SCD5: variants seen among roughly 807,000 people sequenced by gnomAD.
The protein encoded by SCD5 is acyl-CoA-desaturase 4.
In SCD5, 20 loss-of-function variants were observed where a neutral mutation model predicts 30.4. The observed-to-expected ratio is 0.66, with a 90% confidence interval of 0.46 to 0.96. The LOEUF (loss-of-function observed/expected upper bound fraction) is 0.96. Ranked by LOEUF, SCD5 falls within the 40% of genes least tolerant of loss-of-function variation. The pLI is 0.00. For synonymous variants in SCD5, 173 were observed against 176.4 expected, an observed-to-expected ratio of 0.98 and a Z score of 0.16; for missense variants, 381 against 443.3, an observed-to-expected ratio of 0.86 and a Z score of 1.26.
chr4:82,753,523 T>C (rs1721153070), intron 1 of SCD5: 4 of 445,434 alleles, frequency 9.0e-6, no homozygotes, highest in South Asian at 6.3e-5. Context: ...TGTGGCTCTT[T>C]GTGGGCTGAG....
intron 1 of SCD5, among the ~76,000 whole-genome samples, chr4:82,786,316 T>C (rs72925438): frequency 0.022 from 3,398 of 152,244 alleles, 118 homozygotes; most frequent in African/African-American, 0.077. Context: ...ATAGGCTGCA[T>C]TTGTAAGCCA....
chr4:82,660,972 T>C, intron 3 of SCD5: 1 of 1,614,194 alleles, frequency 6.2e-7, no homozygotes, highest in South Asian at 1.1e-5. Context: ...AAATGTGTAA[T>C]CCGGGAAGGG....
In SCD5 at chr4:82,724,068, G is replaced by A. The variant is rs184693463; in HGVS notation, c.233-18655C>T. 1.7e-3 allele frequency among the ~76,000 whole-genome samples: 252 copies of A among 152,258 alleles called. 1 individual carries two copies. The highest frequency in any genetic ancestry group is 0.01 in the Middle Eastern group (3 of 294). ...CAAATGGCTGAGAAAAAAAGTTATA[G>A]GTAAATAAAGCAAATATGGCAAATG... On this transcript the variant is annotated intron_variant, in intron 1 of 4. Coordinates refer to ENST00000319540, the MANE Select transcript of SCD5 (RefSeq NM_001037582.3).
rs144093728 is a variant in SCD5 at position 82,711,130 on chromosome 4, C to T, written c.233-5717G>A. ...AACCGTGCCTGGCAAGCAGTAAGCACCGGCACATATTATTGCCCCATGCAT... is the reference window on the plus strand; with the variant it reads ...AACCGTGCCTGGCAAGCAGTAAGCATCGGCACATATTATTGCCCCATGCAT... On this transcript the variant is annotated intron_variant, in intron 1 of 4. Transcript: ENST00000319540. 1.3e-3 allele frequency among the ~76,000 whole-genome samples: 197 copies of T among 152,234 alleles called. 1 individual carries two copies. Among genetic ancestry groups the T allele is most frequent in the African/African-American group, 4.6e-3 (191 of 41,538 alleles).
Position 82,680,882 on chromosome 4 carries a change from G to C in SCD5, c.394C>G (p.Arg132Gly). Reference protein sequence around the residue: ...NDIFEWSRDHRAHHKYSETDA... With the variant: ...NDIFEWSRDHGAHHKYSETDA... Reference sequence around the variant, plus strand: ...GTCTCTGAGTACTTGTGGTGGGCTCGGTGGTCCCTGGACCACTCGAAGATG... The same window carrying C: ...GTCTCTGAGTACTTGTGGTGGGCTCCGTGGTCCCTGGACCACTCGAAGATG... The change falls in exon 3 of 5, where the codon CGA becomes GGA. Residue 132 changes from arginine (R) to glycine (G), a missense_variant. Physicochemically the swap from Arg to Gly is moderately radical, Grantham distance 125. Transcript: ENST00000319540. 1 of 1,613,144 alleles carries C rather than the reference G, an allele frequency of 6.2e-7. No individual in the cohort carries two copies. Among genetic ancestry groups the C allele is most frequent in the Non-Finnish European group, 8.5e-7 (1 of 1,179,976 alleles).
At chr4:82,660,601 G>A (rs112162371) in intron 3 of SCD5, 151 of 1,275,182 alleles carry the variant, frequency 1.2e-4, no homozygotes, top group Middle Eastern at 3.1e-4. Context: ...AATTTTGTAA[G>A]GTAGGTATCA....
At chr4:82,773,204 G>A (rs1381014239) in intron 1 of SCD5, among the ~76,000 whole-genome samples, 1 of 152,120 alleles carries the variant, frequency 6.6e-6, no homozygotes, top group East Asian at 1.9e-4. Flanking sequence ...CCCTGCCTGG[G>A]TCCTCAGTGC....
At chr4:82,791,347 G>A (rs1464670522) in intron 1 of SCD5, among the ~76,000 whole-genome samples, 1 of 152,062 alleles carries the variant, frequency 6.6e-6, no homozygotes, top group African/African-American at 2.4e-5. Context: ...GCATTTGTGA[G>A]GGAAAACAGC....
intron 1 of SCD5, among the ~76,000 whole-genome samples, chr4:82,758,617 C>T (rs1184470915): frequency 1.3e-5 from 2 of 152,176 alleles, no homozygotes; most frequent in South Asian, 2.1e-4. Context: ...ACACCCATTT[C>T]CTGCTCAGAG....
intron 1 of SCD5, among the ~76,000 whole-genome samples, chr4:82,794,069 C>G (rs780465760): frequency 1.3e-5 from 2 of 152,150 alleles, no homozygotes; most frequent in Non-Finnish European, 2.9e-5. Flanking sequence ...CTTCCAAGCC[C>G]CAGCTTCTAC....
chr4:82,784,395 C>T (rs1319667849), intron 1 of SCD5, among the ~76,000 whole-genome samples: 1 of 152,182 alleles, frequency 6.6e-6, no homozygotes, highest in Non-Finnish European at 1.5e-5. Flanking sequence ...GCAGTGCCAT[C>T]TTCTACATCA....
intron 1 of SCD5, among the ~76,000 whole-genome samples, chr4:82,733,754 G>A (rs1419989685): frequency 6.6e-6 from 1 of 152,164 alleles, no homozygotes; most frequent in Non-Finnish European, 1.5e-5. Context: ...GTACGTGCCT[G>A]AATGGGGCCA....
At chr4:82,724,589 T>C (rs1209568982) in intron 1 of SCD5, among the ~76,000 whole-genome samples, 2 of 152,136 alleles carry the variant, frequency 1.3e-5, no homozygotes, top group African/African-American at 4.8e-5. Context: ...AAAGGCAATA[T>C]CAAATTAAAA....
chr4:82,691,017 T>G (rs1728822332), intron 2 of SCD5, among the ~76,000 whole-genome samples: 1 of 57,656 alleles, frequency 1.7e-5, no homozygotes, highest in Non-Finnish European at 3.9e-5. Flanking sequence ...TTTTTTTGTT[T>G]GTTTGTTTTG....
At chr4:82,793,800 C>T (rs1578071242) in intron 1 of SCD5, among the ~76,000 whole-genome samples, 2 of 152,168 alleles carry the variant, frequency 1.3e-5, no homozygotes. Flanking sequence ...CAAGGCCATT[C>T]AGCTGGTAAG....
chr4:82,721,682 G>C (rs1720372551), intron 1 of SCD5, among the ~76,000 whole-genome samples: 1 of 152,148 alleles, frequency 6.6e-6, no homozygotes, highest in South Asian at 2.1e-4. Context: ...GAGAGGCCTG[G>C]AACAAATCCT....
chr4:82,652,212 A>C (rs912153519), intron 3 of SCD5, among the ~76,000 whole-genome samples: 2 of 152,232 alleles, frequency 1.3e-5, no homozygotes, highest in Non-Finnish European at 2.9e-5. Flanking sequence ...AGAAGTACCA[A>C]GAGATAGGGT....
chr4:82,794,529 A>G (rs553356137), intron 1 of SCD5, among the ~76,000 whole-genome samples: 1 of 152,162 alleles, frequency 6.6e-6, no homozygotes, highest in South Asian at 2.1e-4. Context: ...TGCTCTACCC[A>G]TCTTGGGATT....
At chr4:82,654,848 T>C (rs1399575105) in intron 3 of SCD5, among the ~76,000 whole-genome samples, 3 of 152,170 alleles carry the variant, frequency 2.0e-5, no homozygotes, top group Non-Finnish European at 4.4e-5. Context: ...CTGTTGATAA[T>C]AATGACAAAA....
Sources: gnomAD v4.1 joint callset for allele counts (sites outside exome capture counted in the v4.1 genomes callset) on GRCh38, gnomAD v4.1.1 for gene constraint, MANE v1.5 for transcripts, NCBI Gene and HGNC (gene_info 2026-07-23, HGNC 2026-07-21) for gene names.